Variants in MYOF observed in about 807,000 individuals in gnomAD.
The protein encoded by MYOF is myoferlin.
In MYOF, 244 loss-of-function variants were observed where a neutral mutation model predicts 284.2. The observed-to-expected ratio is 0.86, with a 90% CI of 0.77 to 0.95. The LOEUF is 0.95. MYOF is among the 40% of genes least tolerant of loss of function. The pLI is 0.00. For synonymous variants in MYOF, 904 were observed against 919.7 expected, an observed-to-expected ratio of 0.98 and a Z score of 0.31; for missense variants, 2,496 against 2,560.6, an observed-to-expected ratio of 0.97 and a Z score of 0.54.
intron 31 of MYOF, 128 bp from the exon 32 acceptor site, chr10:93,354,016 G>A: frequency 1.5e-6 from 1 of 655,152 alleles, no homozygotes; most frequent in Non-Finnish European, 2.6e-6. Context: ...GTTCCCCACA[G>A]TAAAGAGCAC....
intron 36 of MYOF, among the ~76,000 whole-genome samples, chr10:93,349,216 C>T (rs189326497): frequency 1.2e-3 from 176 of 152,300 alleles, no homozygotes; most frequent in Non-Finnish European, 1.9e-3. Context: ...GGCCTCTTCT[C>T]ACCCCAGGTA....
chr10:93,422,627 A>G (rs1242726894), intron 5 of MYOF, among the ~76,000 whole-genome samples: 2 of 151,596 alleles, frequency 1.3e-5, no homozygotes, highest in African/African-American at 4.9e-5. Context: ...TGAAACCCCA[A>G]CTCTACTAAA....
At chr10:93,406,601 T>C (rs1478938380) in intron 7 of MYOF, among the ~76,000 whole-genome samples, 3 of 151,174 alleles carry the variant, frequency 2.0e-5, no homozygotes, top group Non-Finnish European at 4.4e-5. Context: ...CGTGAATCTC[T>C]CTGCCTTCCC....
intron 18 of MYOF, among the ~76,000 whole-genome samples, chr10:93,388,523 A>G (rs1053117207): frequency 1.3e-5 from 2 of 152,202 alleles, no homozygotes; most frequent in Non-Finnish European, 2.9e-5. Context: ...CTCCACAGCC[A>G]GTCTTTTACC....
intron 5 of MYOF, among the ~76,000 whole-genome samples, chr10:93,412,649 G>A (rs933358743): frequency 4.6e-5 from 7 of 152,170 alleles, no homozygotes; most frequent in African/African-American, 1.7e-4. Context: ...AGGCATTTCA[G>A]AAGCAAGGAG....
chr10:93,446,660 T>A (rs1013313447), intron 3 of MYOF, among the ~76,000 whole-genome samples: 2 of 151,922 alleles, frequency 1.3e-5, no homozygotes, highest in Admixed American at 1.3e-4. Context: ...ATAATTGGCC[T>A]AGAATTTACC....
At chr10:93,408,740 C>G in intron 7 of MYOF, 47 bp downstream of exon 7, 1 of 1,611,926 alleles carries the variant, frequency 6.2e-7, no homozygotes, top group Non-Finnish European at 8.5e-7. Flanking sequence ...GTGTTTCCCT[C>G]CCCAGTGGGA....
intron 13 of MYOF, among the ~76,000 whole-genome samples, chr10:93,398,213 T>C (rs1847115167): frequency 6.6e-6 from 1 of 152,086 alleles, no homozygotes; most frequent in Non-Finnish European, 1.5e-5. Context: ...AACATTTTCT[T>C]CCTTGGGGCC....
chr10:93,428,908 T>C (rs567047369), intron 4 of MYOF, among the ~76,000 whole-genome samples: 68 of 152,216 alleles, frequency 4.5e-4, no homozygotes, highest in African/African-American at 1.6e-3. Context: ...TTCTATAACC[T>C]CAGGATTCCC....
At position 93,399,443 on chromosome 10, in the gene MYOF, AT is replaced by A. The variant is rs1847172501; in HGVS notation, c.1169del (p.Asp390ValfsTer10). 6.2e-7 allele frequency: 1 copy of A among 1,613,946 alleles called. No individual in the cohort carries two copies. Among genetic ancestry groups the A allele is most frequent in the African/African-American group, 1.3e-5 (1 of 75,070 alleles). The stretch of plus-strand genomic sequence containing the variant: ...CAAAAGGATCCACGAGATTTTTCTT[AT>A]CTGCATTGCCTCCAAATATTTCCTT... Reference protein sequence around the residue: ...TVKEIFGGNADKKNLVDPFVE... With the variant: ...TVKEIFGGNAXKKNLVDPFVE... On this transcript the variant is annotated frameshift_variant, in exon 13 of 54. Coordinates refer to ENST00000359263, the MANE Select transcript of MYOF (RefSeq NM_013451.4). LOFTEE classifies it high-confidence loss of function.
intron 51 of MYOF, among the ~76,000 whole-genome samples, chr10:93,311,544 G>A (rs192580498): frequency 1.1e-4 from 16 of 148,772 alleles, no homozygotes; most frequent in Non-Finnish European, 1.6e-4. Flanking sequence ...AGCAGAGATC[G>A]CACCACTGCA....
At chr10:93,448,761 A>ACTTG (rs1475504421) in intron 3 of MYOF, among the ~76,000 whole-genome samples, 1 of 152,164 alleles carries the variant, frequency 6.6e-6, no homozygotes, top group Non-Finnish European at 1.5e-5. Flanking sequence ...TTGGGAGACC[A>ACTTG]AGGTGGGCAG....
rs1842334526 is a variant in MYOF at position 93,310,526 on chromosome 10, C to A, written c.5999+8G>T. On this transcript the variant is annotated splice_region_variant and intron_variant, in intron 52 of 53. Transcript: ENST00000359263. ...TTGGGGAGTGGGAGAACAAAGAAGGCCTCTCACTTTGGTAAGTCCAGCTTG... is the reference window on the plus strand; with the variant it reads ...TTGGGGAGTGGGAGAACAAAGAAGGACTCTCACTTTGGTAAGTCCAGCTTG... The A allele has an allele frequency of 2.5e-6, 4 of 1,613,426 alleles. No individual in the cohort carries two copies. The highest frequency in any genetic ancestry group is 2.5e-6 in the Non-Finnish European group (3 of 1,179,474).
chr10:93,412,601 T>A (rs1040960371), intron 5 of MYOF, among the ~76,000 whole-genome samples: 1 of 152,198 alleles, frequency 6.6e-6, no homozygotes, highest in Non-Finnish European at 1.5e-5. Flanking sequence ...CACATAGTCT[T>A]GCACCTGCTT....
intron 13 of MYOF, 37 bp from the exon 14 acceptor site, chr10:93,397,493 G>T (rs757865147): frequency 2.0e-6 from 3 of 1,521,734 alleles, no homozygotes; most frequent in Non-Finnish European, 2.7e-6. Flanking sequence ...AGGTTTTCAA[G>T]TTTCTAATTT....
At chr10:93,335,786 G>GC (rs1843573149) in intron 41 of MYOF, 135 bp downstream of exon 41, 2 of 1,079,420 alleles carry the variant, frequency 1.9e-6, no homozygotes, top group Non-Finnish European at 2.6e-6. Flanking sequence ...TTTATCCTAG[G>GC]CCTATATAGA....
chr10:93,318,171 G>A (rs765433243), intron 49 of MYOF, among the ~76,000 whole-genome samples: 4 of 152,128 alleles, frequency 2.6e-5, no homozygotes, highest in African/African-American at 7.2e-5. Context: ...AGTCCCCTTT[G>A]TCACTTTGGG....
chr10:93,317,403 C>T lies in MYOF; in HGVS notation c.5599-590G>A, dbSNP rs193031965. Among the ~76,000 whole-genome samples the T allele has an allele frequency of 1.2e-3, 181 of 151,838 alleles. 2 individuals carry two copies. The highest frequency in any genetic ancestry group is 3.9e-3 in the African/African-American group (162 of 41,348). On this transcript the variant is annotated intron_variant, in intron 49 of 53. Coordinates refer to ENST00000359263, the MANE Select transcript of MYOF (RefSeq NM_013451.4). ...CTGTAATCCCAATACTTTGGGAGGC[C>T]GAGGGGGTAGATTACTTAAGGCCAG...
Position 93,361,462 on chromosome 10 carries a change from C to T in MYOF, c.2964G>A (p.Val988=), listed in dbSNP as rs1845067685. ...DAWSYDINRA[V]DEKGWEYGIT... ...GATGTACAATGTTACCTTTCTCATC[C>T]ACCGCTCGATTTATGTCATAAGACC... is the stretch of plus-strand genomic sequence containing the variant. The change falls in exon 28 of 54, where the codon GTG becomes GTA. Residue 988 remains valine (V), a synonymous_variant. Coordinates refer to ENST00000359263, the MANE Select transcript of MYOF (RefSeq NM_013451.4). 4 of 1,614,130 alleles carry T rather than the reference C, an allele frequency of 2.5e-6. No homozygotes were observed. The highest frequency in any genetic ancestry group is 4.5e-5 in the East Asian group (2 of 44,874).
Sources: gnomAD v4.1 joint callset for allele counts (sites outside exome capture counted in the v4.1 genomes callset) on GRCh38, gnomAD v4.1.1 for gene constraint, MANE v1.5 for transcripts, NCBI Gene and HGNC (gene_info 2026-07-23, HGNC 2026-07-21) for gene names.